NCKAP5: variants seen among roughly 807,000 people sequenced by gnomAD.
NCKAP5 encodes NCK associated protein 5.
NCKAP5 carries 92 observed loss-of-function variants against 167.0 expected under a neutral mutation model. The ratio of observed to expected loss-of-function variants is 0.55; its 90% CI spans 0.47 to 0.66. The LOEUF (loss-of-function observed/expected upper bound fraction) is 0.66, where lower values mean the gene tolerates loss of function less well. Ranked by LOEUF, NCKAP5 falls within the 30% of genes least tolerant of loss-of-function variation. The pLI, the probability that NCKAP5 is intolerant of heterozygous loss-of-function variation, is 0.00. For missense variants in NCKAP5, 2,378 were observed against 2,315.0 expected, an observed-to-expected ratio of 1.03 and a Z score of -0.56; for synonymous variants, 891 against 877.4, an observed-to-expected ratio of 1.02 and a Z score of -0.27.
At chr2:133,007,844 A>G (rs1262064418) in intron 6 of NCKAP5, among the ~76,000 whole-genome samples, 1 of 152,198 alleles carries the variant, frequency 6.6e-6, no homozygotes, top group Non-Finnish European at 1.5e-5. Context: ...AGGAAAAGAT[A>G]AACTGGAGAA....
intron 6 of NCKAP5, chr2:133,122,912 C>G (rs560854238): frequency 3.5e-4 from 54 of 152,240 alleles, no homozygotes; most frequent in African/African-American, 1.3e-3. Flanking sequence ...CATTATAAAA[C>G]TATAATGCAA....
At chr2:132,758,443 T>C (rs1558729851) in intron 16 of NCKAP5, among the ~76,000 whole-genome samples, 2 of 152,212 alleles carry the variant, frequency 1.3e-5, no homozygotes, top group Non-Finnish European at 2.9e-5. Flanking sequence ...CCTTCAGGCA[T>C]AAGAAATCCT....
At chr2:133,315,070 AT>A (rs1681505767) in intron 3 of NCKAP5, among the ~76,000 whole-genome samples, 1 of 152,164 alleles carries the variant, frequency 6.6e-6, no homozygotes, top group Non-Finnish European at 1.5e-5. Context: ...GGGACTTTGC[AT>A]TTTGTTCTCA....
At chr2:133,448,250 G>GA (rs58596848) in intron 3 of NCKAP5, among the ~76,000 whole-genome samples, 1,948 of 140,858 alleles carry the variant, frequency 0.014, 33 homozygotes, top group African/African-American at 0.045. Flanking sequence ...ATTGTTCTGG[G>GA]AAAAAAAAAA....
At position 132,900,016 on chromosome 2, in the gene NCKAP5, A is replaced by G. The variant is rs1404499282; in HGVS notation, c.580-21100T>C. Among the ~76,000 whole-genome samples, 3 of 152,284 alleles carry G rather than the reference A, an allele frequency of 2.0e-5. No homozygotes were observed. In the East Asian group the frequency reaches 5.8e-4, roughly 29 times the overall value. On this transcript the variant is annotated intron_variant, in intron 8 of 19. Transcript: ENST00000409261. ...TTTCATTACTGTTGTGTCTCAGGAA[A>G]TACATGGCCCAAGGAGAGCAAAGGA...
Position 133,251,517 on chromosome 2 carries a change from T to C in NCKAP5, c.144-37738A>G, listed in dbSNP as rs555850764. Among the ~76,000 whole-genome samples the C allele has an allele frequency of 9.9e-5, 15 of 152,158 alleles. 1 individual carries two copies. The highest frequency in any genetic ancestry group is 3.6e-4 in the African/African-American group (15 of 41,474). On this transcript the variant is annotated intron_variant, in intron 4 of 19. Transcript: ENST00000409261. ...GGAGTGTTAAGGAGGATGACAACACTAAACACAGCATTTAGCACATAGCAG... is the reference window on the plus strand; with the variant it reads ...GGAGTGTTAAGGAGGATGACAACACCAAACACAGCATTTAGCACATAGCAG...
chr2:133,471,001 T>A (rs573886949), intron 3 of NCKAP5, among the ~76,000 whole-genome samples: 1 of 152,368 alleles, frequency 6.6e-6, no homozygotes, highest in Non-Finnish European at 1.5e-5. Flanking sequence ...AGCTGTAGAC[T>A]GGAGCTGTTC....
chr2:132,730,318 A>AC (rs1382772477), intron 17 of NCKAP5, among the ~76,000 whole-genome samples: 1 of 152,104 alleles, frequency 6.6e-6, no homozygotes, highest in Non-Finnish European at 1.5e-5. Flanking sequence ...ACATGGCGAA[A>AC]CCCCATCTCT....
chr2:133,033,804 GA>G (rs1307005399), intron 6 of NCKAP5, among the ~76,000 whole-genome samples: 1 of 151,824 alleles, frequency 6.6e-6, no homozygotes, highest in Non-Finnish European at 1.5e-5. Context: ...CAAGCTATTT[GA>G]AAATACAGTC....
intron 11 of NCKAP5, among the ~76,000 whole-genome samples, chr2:132,854,307 A>G (rs1049617773): frequency 1.3e-5 from 2 of 152,196 alleles, no homozygotes; most frequent in Admixed American, 6.5e-5. Context: ...ACACCCCTCA[A>G]TTGCTTTGGG....
chr2:133,138,733 C>T (rs2082889430), intron 5 of NCKAP5, among the ~76,000 whole-genome samples: 1 of 152,180 alleles, frequency 6.6e-6, no homozygotes, highest in Non-Finnish European at 1.5e-5. Flanking sequence ...TTCTCTCATA[C>T]CAGAAGAAGG....
chr2:132,695,768 A>G (rs1182508581), intron 19 of NCKAP5, among the ~76,000 whole-genome samples: 2 of 152,116 alleles, frequency 1.3e-5, no homozygotes, highest in Non-Finnish European at 2.9e-5. Flanking sequence ...ACCATCACCC[A>G]TATTTGCATT....
intron 3 of NCKAP5, among the ~76,000 whole-genome samples, chr2:133,393,578 T>C (rs1687556501): frequency 1.3e-5 from 2 of 152,242 alleles, no homozygotes; most frequent in Non-Finnish European, 2.9e-5. Flanking sequence ...CCATAAATTA[T>C]ATTCATCTTT....
In NCKAP5 at chr2:132,762,404, T is replaced by C. The variant is rs548688634; in HGVS notation, c.5128+11412A>G. On this transcript the variant is annotated intron_variant, in intron 16 of 19. Coordinates refer to ENST00000409261, the MANE Select transcript of NCKAP5 (RefSeq NM_207363.3). ...GCCATAAGTTACAAACACAGGCTTA[T>C]ACTTACTTTAAGTGACTTAACTGCC... Among the ~76,000 whole-genome samples, 97 of 152,362 alleles carry C rather than the reference T, an allele frequency of 6.4e-4. No homozygotes were observed. The South Asian group carries it at 6.4e-3, about 10-fold the overall frequency.
intron 6 of NCKAP5, among the ~76,000 whole-genome samples, chr2:133,048,039 A>C (rs776508339): frequency 2.0e-5 from 3 of 152,220 alleles, no homozygotes; most frequent in Non-Finnish European, 4.4e-5. Flanking sequence ...ATTCAGGTTC[A>C]TGTCTCCTTT....
At chr2:132,976,151 C>A (rs1361184130) in intron 7 of NCKAP5, among the ~76,000 whole-genome samples, 2 of 152,122 alleles carry the variant, frequency 1.3e-5, no homozygotes, top group African/African-American at 2.4e-5. Context: ...ATCACATGAT[C>A]TCAACTACCT....
chr2:133,238,765 T>C (rs140826626), intron 4 of NCKAP5, among the ~76,000 whole-genome samples: 1,648 of 152,274 alleles, frequency 0.011, 16 homozygotes, highest in Non-Finnish European at 0.019. Context: ...ACAGGTAGGT[T>C]TGAAAAAACA....
chr2:132,923,174 G>A (rs1047602077), intron 8 of NCKAP5, among the ~76,000 whole-genome samples: 2 of 152,170 alleles, frequency 1.3e-5, no homozygotes, highest in Non-Finnish European at 2.9e-5. Context: ...ACTTGAGAAT[G>A]AACTCCACTT....
chr2:132,912,139 T>TG (rs1694503653), intron 8 of NCKAP5, among the ~76,000 whole-genome samples: 1 of 152,142 alleles, frequency 6.6e-6, no homozygotes, highest in Non-Finnish European at 1.5e-5. Context: ...GGTGACTATG[T>TG]GGCAGTGAGA....
Sources: gnomAD v4.1 joint callset for allele counts (sites outside exome capture counted in the v4.1 genomes callset) on GRCh38, gnomAD v4.1.1 for gene constraint, MANE v1.5 for transcripts, NCBI Gene and HGNC (gene_info 2026-07-23, HGNC 2026-07-21) for gene names.